Variants in CDH17 observed in about 807,000 individuals in gnomAD.
CDH17 encodes the protein cadherin 17, also known as cadherin-17.
A neutral mutation model predicts 86.3 loss-of-function variants in CDH17; 67 were observed. The observed-to-expected ratio is 0.78, with a 90% CI of 0.64 to 0.95. CDH17 has a LOEUF of 0.95. CDH17 is among the 40% of genes least tolerant of loss of function. The probability of loss-of-function intolerance (pLI) is 0.00; values close to 1 mark genes in which losing one functional copy is unlikely to be tolerated. For missense variants in CDH17, 993 were observed against 1,017.6 expected (o/e 0.98, Z 0.33); for synonymous variants, 367 against 366.4 (o/e 1.00, Z -0.02).
At chr8:94,199,068 TATATATATATA>T (rs1813848133) in intron 1 of CDH17, among the ~76,000 whole-genome samples, 4 of 18,888 alleles carry the variant, frequency 2.1e-4, no homozygotes, top group East Asian at 5.6e-4. Flanking sequence ...TATATATATA[TATATATATATA>T]TATATTTTTT....
At chr8:94,209,778 C>T (rs1814091725), upstream of CDH17, among the ~76,000 whole-genome samples, 1 of 152,144 alleles carries the variant, frequency 6.6e-6, no homozygotes, top group African/African-American at 2.4e-5. Context: ...TGTGCTTGTT[C>T]TACAAAATCA....
intron 10 of CDH17, 55 bp from the exon 11 acceptor site, chr8:94,162,217 A>T: frequency 8.8e-7 from 1 of 1,133,110 alleles, no homozygotes; most frequent in South Asian, 1.3e-5. Context: ...ATGCATTAAT[A>T]TCAGAAATCT....
At chr8:94,215,818 G>A (rs1814185568) in intron 1 of CDH17, among the ~76,000 whole-genome samples, 1 of 150,072 alleles carries the variant, frequency 6.7e-6, no homozygotes, top group Non-Finnish European at 1.5e-5. Flanking sequence ...TATCGGAAAT[G>A]TCTTACGGTT....
At chr8:94,131,591 C>A (rs1161826633) in intron 15 of CDH17, among the ~76,000 whole-genome samples, 1 of 152,078 alleles carries the variant, frequency 6.6e-6, no homozygotes, top group Non-Finnish European at 1.5e-5. Context: ...CACAGCCTTC[C>A]TGTGCTTAGG....
Position 94,174,274 on chromosome 8 carries a change from C to T in CDH17, c.425-14G>A, listed in dbSNP as rs770936768. Reference sequence around the variant, plus strand: ...AGAAGGGCTTTCCTGTTTAACAAGACGTACCCAGAAAAAAAAAAAAAAAGA... The same window carrying T: ...AGAAGGGCTTTCCTGTTTAACAAGATGTACCCAGAAAAAAAAAAAAAAAGA... On this transcript the variant is annotated splice_polypyrimidine_tract_variant and intron_variant, in intron 5 of 17. Coordinates refer to ENST00000027335, the MANE Select transcript of CDH17 (RefSeq NM_004063.4). 34 of 1,497,318 alleles carry T rather than the reference C, an allele frequency of 2.3e-5. No individual in the cohort carries two copies. The highest frequency in any genetic ancestry group is 1.2e-4 in the African/African-American group (8 of 64,698). 92.8% of individuals were successfully genotyped at this position (1,497,318 alleles called of 1,614,324 possible).
chr8:94,163,396 T>C (rs1813095394), intron 10 of CDH17, among the ~76,000 whole-genome samples: 2 of 152,378 alleles, frequency 1.3e-5, no homozygotes, highest in South Asian at 4.1e-4. Flanking sequence ...AACAGTTGGG[T>C]TCTGCCACTG....
intron 10 of CDH17, 113 bp from the exon 11 acceptor site, chr8:94,162,275 G>A: frequency 1.4e-6 from 1 of 709,204 alleles, no homozygotes. Context: ...CCACAATTTT[G>A]CAATTGACAT....
intron 3 of CDH17, among the ~76,000 whole-genome samples, chr8:94,187,595 CAATGGAGTCTTGATTCAGATCCATTG>C (rs1252788184): frequency 4.1e-4 from 62 of 152,118 alleles, no homozygotes; most frequent in Non-Finnish European, 2.4e-4. Flanking sequence ...GACCTTTTCT[CAATGGAGTCTTGATTCAGATCCATTG>C]CTTTTGAGAA....
At chr8:94,202,960 A>G in intron 1 of CDH17, 1 of 323,958 alleles carries the variant, frequency 3.1e-6, no homozygotes. Flanking sequence ...TTTAGCTCTG[A>G]GGTTCCCCTT....
At chr8:94,210,263 G>A (rs1349428776), upstream of CDH17, among the ~76,000 whole-genome samples, 2 of 133,126 alleles carry the variant, frequency 1.5e-5, no homozygotes. Flanking sequence ...AAGTCCAAGG[G>A]CAGAAATCCC....
intron 5 of CDH17, among the ~76,000 whole-genome samples, chr8:94,175,064 G>C (rs1023775027): frequency 6.6e-6 from 1 of 152,126 alleles, no homozygotes; most frequent in Non-Finnish European, 1.5e-5. Context: ...ATGGTCACTT[G>C]AAATAGGCCA....
intron 9 of CDH17, among the ~76,000 whole-genome samples, chr8:94,168,425 G>A (rs1248416656): frequency 6.6e-6 from 1 of 150,944 alleles, no homozygotes; most frequent in African/African-American, 2.4e-5. Flanking sequence ...TTACAGGCAT[G>A]AGCCACTGCA....
intron 3 of CDH17, among the ~76,000 whole-genome samples, chr8:94,185,348 C>G (rs1161538640): frequency 6.6e-6 from 1 of 151,712 alleles, no homozygotes; most frequent in East Asian, 1.9e-4. Flanking sequence ...CCATGATAAC[C>G]AGGCTATCAT....
At chr8:94,159,320 C>G (rs1005739384) in intron 12 of CDH17, among the ~76,000 whole-genome samples, 8 of 152,060 alleles carry the variant, frequency 5.3e-5, no homozygotes, top group African/African-American at 1.9e-4. Context: ...AATGAGAGCC[C>G]GTGGGCTTAG....
chr8:94,176,497 A>T (rs1563580358), intron 5 of CDH17, 44 bp downstream of exon 5: 2 of 1,607,336 alleles, frequency 1.2e-6, no homozygotes, highest in Non-Finnish European at 8.5e-7. Flanking sequence ...TCCACCTGAC[A>T]CCCTTCCATC....
At chr8:94,213,289 A>G (rs1814150016), upstream of CDH17, among the ~76,000 whole-genome samples, 1 of 152,156 alleles carries the variant, frequency 6.6e-6, no homozygotes, top group Non-Finnish European at 1.5e-5. Context: ...TGGATTTCTG[A>G]TGCAGGTGAT....
chr8:94,175,403 T>C (rs186480593), intron 5 of CDH17, among the ~76,000 whole-genome samples: 2 of 152,220 alleles, frequency 1.3e-5, no homozygotes, highest in African/African-American at 4.8e-5. Flanking sequence ...AGTGAATTTT[T>C]TCCTGGAATT....
chr8:94,201,993 C>A, intron 1 of CDH17: 1 of 218,768 alleles, frequency 4.6e-6, no homozygotes, highest in Non-Finnish European at 9.2e-6. Context: ...TGAGGAATAG[C>A]TTTGAGTTTT....
At chr8:94,195,066 A>G (rs1813756916) in intron 1 of CDH17, among the ~76,000 whole-genome samples, 1 of 152,122 alleles carries the variant, frequency 6.6e-6, no homozygotes, top group Non-Finnish European at 1.5e-5. Context: ...CAGTGGTGCA[A>G]TCTCATCTCA....
Sources: allele counts gnomAD v4.1 joint callset (sites outside exome capture counted in the v4.1 genomes callset), GRCh38; gene constraint gnomAD v4.1.1; transcripts MANE v1.5; gene names NCBI Gene and HGNC (gene_info 2026-07-23, HGNC 2026-07-21).